CYYR1: variants seen among roughly 807,000 people sequenced by gnomAD.
The protein encoded by CYYR1 is cysteine and tyrosine-rich protein 1.
In CYYR1, 14 loss-of-function variants were observed where a neutral mutation model predicts 15.2. That is an observed-to-expected ratio of 0.92 (90% confidence interval 0.61 to 1.44). CYYR1 has a LOEUF of 1.44. Ranked by LOEUF, CYYR1 falls within the 40% of genes most tolerant of loss-of-function variation. The probability of loss-of-function intolerance (pLI) is 0.00; values close to 1 mark genes in which losing one functional copy is unlikely to be tolerated. For missense variants in CYYR1, 228 were observed against 209.5 expected (o/e 1.09, Z -0.54); for synonymous variants, 80 against 77.4 (o/e 1.03, Z -0.18).
intron 3 of CYYR1, among the ~76,000 whole-genome samples, chr21:26,472,855 T>C (rs2065053422): frequency 6.6e-6 from 1 of 152,306 alleles, no homozygotes; most frequent in Non-Finnish European, 1.5e-5. Flanking sequence ...CTTTTTCAGA[T>C]AGTTGATACA....
Position 26,572,941 on chromosome 21 carries a change from C to A in CYYR1, c.-1G>T. The A allele has an allele frequency of 6.2e-7, 1 of 1,613,768 alleles. No homozygotes were observed. Among genetic ancestry groups the A allele is most frequent in the Non-Finnish European group, 8.5e-7 (1 of 1,179,978 alleles). ...GCACGGGTAGCCTCGGAGCGTCCAT[C>A]CAAGCCGGTGGCCTGAGGCTTGGAG... On this transcript the variant is annotated 5_prime_UTR_variant, in exon 1 of 4. Coordinates refer to ENST00000652641, the MANE Select transcript of CYYR1 (RefSeq NM_001320768.2).
intron 2 of CYYR1, among the ~76,000 whole-genome samples, chr21:26,529,574 T>C (rs2123597455): frequency 6.6e-6 from 1 of 152,348 alleles, no homozygotes; most frequent in South Asian, 2.1e-4. Context: ...TAGCATGGTT[T>C]GGGAATAGGT....
chr21:26,492,056 A>T (rs2065336338), intron 2 of CYYR1, among the ~76,000 whole-genome samples: 1 of 152,184 alleles, frequency 6.6e-6, no homozygotes, highest in African/African-American at 2.4e-5. Context: ...TGTCAGCCTG[A>T]TGTGATTGAT....
At chr21:26,504,990 A>G (rs2065535612) in intron 2 of CYYR1, among the ~76,000 whole-genome samples, 1 of 152,216 alleles carries the variant, frequency 6.6e-6, no homozygotes, top group East Asian at 1.9e-4. Flanking sequence ...AAATTAATAC[A>G]TGGTAGAATC....
intron 2 of CYYR1, among the ~76,000 whole-genome samples, chr21:26,547,779 C>CTTTTTTTTT (rs11298777): frequency 2.8e-5 from 4 of 143,414 alleles, no homozygotes; most frequent in Non-Finnish European, 3.1e-5. Flanking sequence ...TCTATTTCTA[C>CTTTTTTTTT]TTTTTTTTTT....
intron 3 of CYYR1, among the ~76,000 whole-genome samples, chr21:26,469,184 A>G (rs1382955881): frequency 6.6e-6 from 1 of 152,188 alleles, no homozygotes; most frequent in Admixed American, 6.5e-5. Flanking sequence ...GACTCATGAC[A>G]GTGAGGGAAA....
intron 2 of CYYR1, among the ~76,000 whole-genome samples, chr21:26,513,908 C>G (rs2065685128): frequency 9.5e-6 from 1 of 105,662 alleles, no homozygotes; most frequent in African/African-American, 3.9e-5. Flanking sequence ...ACACCGGGGA[C>G]TGTTGTGGGG....
intron 2 of CYYR1, among the ~76,000 whole-genome samples, chr21:26,527,846 T>C (rs1379340461): frequency 6.6e-6 from 1 of 152,218 alleles, no homozygotes; most frequent in Non-Finnish European, 1.5e-5. Context: ...TCTAGAAATA[T>C]AATATTCTGC....
At chr21:26,563,400 A>G (rs1980381024) in intron 2 of CYYR1, among the ~76,000 whole-genome samples, 1 of 151,752 alleles carries the variant, frequency 6.6e-6, no homozygotes, top group Non-Finnish European at 1.5e-5. Flanking sequence ...GGTGAAAACC[A>G]CTCTCTACTA....
intron 2 of CYYR1, among the ~76,000 whole-genome samples, chr21:26,545,757 ATT>A (rs1033081505): frequency 6.7e-6 from 1 of 150,034 alleles, no homozygotes; most frequent in Non-Finnish European, 1.5e-5. Context: ...TTTTTTTTGT[ATT>A]TTTTTAGTAG....
chr21:26,564,604 T>C, intron 2 of CYYR1: 1 of 836,224 alleles, frequency 1.2e-6, no homozygotes, highest in Non-Finnish European at 1.4e-6. Flanking sequence ...ATCTATAAAT[T>C]CAAATATATA....
chr21:26,482,401 A>G (rs1233903646), intron 2 of CYYR1: 16 of 985,326 alleles, frequency 1.6e-5, no homozygotes, highest in Non-Finnish European at 1.8e-5. Flanking sequence ...AAAATAGCTT[A>G]TCAGTTCTGT....
chr21:26,562,723 C>T (rs530412425), intron 2 of CYYR1, among the ~76,000 whole-genome samples: 1 of 133,442 alleles, frequency 7.5e-6, no homozygotes, highest in Admixed American at 7.8e-5. Context: ...AACATCTCCT[C>T]CTAAACACAC....
intron 2 of CYYR1, among the ~76,000 whole-genome samples, chr21:26,553,348 C>T (rs1780600451): frequency 1.3e-5 from 2 of 151,964 alleles, no homozygotes; most frequent in Non-Finnish European, 2.9e-5. Flanking sequence ...TTGGAATTTC[C>T]TCAGCTTCTT....
intron 2 of CYYR1, among the ~76,000 whole-genome samples, chr21:26,554,865 C>T (rs1979656259): frequency 6.6e-6 from 1 of 152,170 alleles, no homozygotes; most frequent in African/African-American, 2.4e-5. Flanking sequence ...TTCCAAGTAG[C>T]TGGGATGACA....
At position 26,486,378 on chromosome 21, in the gene CYYR1, TA is replaced by T. The variant is rs140971338; in HGVS notation, c.177-5950del. 1.6e-4 allele frequency among the ~76,000 whole-genome samples: 25 copies of T among 152,172 alleles called. No homozygotes were observed. The East Asian group carries it at 4.8e-3, about 29-fold the overall frequency. On this transcript the variant is annotated intron_variant, in intron 2 of 3. Coordinates refer to ENST00000652641, the MANE Select transcript of CYYR1 (RefSeq NM_001320768.2). ...GAAGACTTTCTCCTATGCTTCTTTC[TA>T]AAAGACTGATTATTTTACATTTGAT... is the stretch of plus-strand genomic sequence containing the variant.
intron 2 of CYYR1, among the ~76,000 whole-genome samples, chr21:26,497,413 A>G (rs2065421706): frequency 6.6e-6 from 1 of 152,224 alleles, no homozygotes; most frequent in Admixed American, 6.5e-5. Context: ...TATAAGAAAG[A>G]CAAGGTCATT....
intron 2 of CYYR1, among the ~76,000 whole-genome samples, chr21:26,532,535 T>C (rs1569163206): frequency 6.6e-6 from 1 of 152,234 alleles, no homozygotes; most frequent in East Asian, 1.9e-4. Context: ...AAAAATAAAA[T>C]ACAGTGTATA....
intron 2 of CYYR1, among the ~76,000 whole-genome samples, chr21:26,562,496 A>ACCTACATATT (rs1980271508): frequency 6.6e-6 from 1 of 152,076 alleles, no homozygotes; most frequent in South Asian, 2.1e-4. Context: ...CTTTTGTCTG[A>ACCTACATATT]CCTACATATT....
Sources: gnomAD v4.1 joint callset for allele counts (sites outside exome capture counted in the v4.1 genomes callset) on GRCh38, gnomAD v4.1.1 for gene constraint, MANE v1.5 for transcripts, NCBI Gene and HGNC (gene_info 2026-07-23, HGNC 2026-07-21) for gene names.